Variants in HPSE observed in about 807,000 individuals in gnomAD.
HPSE encodes the protein heparanase, also known as endo-glucoronidase.
Under a neutral mutation model 65.1 loss-of-function variants are expected in HPSE, and 48 were observed. The ratio of observed to expected loss-of-function variants is 0.74; its 90% CI spans 0.58 to 0.94. HPSE has a LOEUF of 0.94. Among genes scored for constraint, HPSE ranks in the 40% least tolerant of loss-of-function variants. The probability of loss-of-function intolerance (pLI) is 0.00; values close to 1 mark genes in which losing one functional copy is unlikely to be tolerated. For missense variants in HPSE, 644 were observed against 637.5 expected, an observed-to-expected ratio of 1.01 and a Z score of -0.11; for synonymous variants, 243 against 260.0, an observed-to-expected ratio of 0.93 and a Z score of 0.63.
Position 83,303,173 on chromosome 4 carries a change from C to G in HPSE, c.1207-905G>C, listed in dbSNP as rs1323021357. ...ATACAATTAAAAACCTGAATAAACT[C>G]AAGCTTCTAGGTATAACTACCAGTT... On this transcript the variant is annotated intron_variant, in intron 9 of 11. Transcript: ENST00000311412. 1.1e-4 allele frequency among the ~76,000 whole-genome samples: 17 copies of G among 152,028 alleles called. 1 individual carries two copies. The highest frequency in any genetic ancestry group is 1.1e-3 in the Admixed American group (17 of 15,256).
chr4:83,304,650 A>G (rs1405133262), intron 9 of HPSE, among the ~76,000 whole-genome samples: 1 of 152,146 alleles, frequency 6.6e-6, no homozygotes, highest in Non-Finnish European at 1.5e-5. Context: ...ATACAGTAAG[A>G]CCTTGTATCA....
intron 2 of HPSE, among the ~76,000 whole-genome samples, chr4:83,320,580 G>C (rs995469436): frequency 6.7e-6 from 1 of 150,204 alleles, no homozygotes; most frequent in Admixed American, 6.6e-5. Flanking sequence ...AAAAAAAAAA[G>C]AAAAAAGAAA....
At chr4:83,312,841 C>CAAAAAAAAA (rs1200808673) in intron 4 of HPSE, among the ~76,000 whole-genome samples, 7 of 10,992 alleles carry the variant, frequency 6.4e-4, no homozygotes, top group Non-Finnish European at 9.9e-4. Flanking sequence ...ACTAAAAATG[C>CAAAAAAAAA]AAAAAAAAAA....
At chr4:83,319,783 G>C (rs1019223351) in intron 2 of HPSE, among the ~76,000 whole-genome samples, 1 of 152,002 alleles carries the variant, frequency 6.6e-6, no homozygotes, top group Non-Finnish European at 1.5e-5. Flanking sequence ...ATTACTGGCC[G>C]GGTGCAGTGG....
chr4:83,301,197 C>CA, intron 10 of HPSE, 91 bp from the exon 11 acceptor site: 6 of 773,308 alleles, frequency 7.8e-6, no homozygotes, highest in Non-Finnish European at 1.2e-5. Context: ...GTATTAGTAT[C>CA]CATAATGACA....
rs750073134 is a variant in HPSE, at chr4:83,309,438, C to G, written c.948G>C (p.Leu316Phe). ...TKEDFLNPDV[L>F]DIFISSVQKV... ...TTTGCACAGATGAAATAAAAATGTC[C>G]AATACATCAGGGTTTAGAAAATCTT... Residue 316 changes from leucine (L) to phenylalanine (F), a missense_variant, in exon 7 of 12, where the codon TTG becomes TTC. Physicochemically the swap from Leu to Phe is conservative, Grantham distance 22. Coordinates refer to ENST00000311412, the MANE Select transcript of HPSE (RefSeq NM_001098540.3). 1.9e-6 allele frequency: 3 copies of G among 1,591,282 alleles called. No homozygotes were observed. Among genetic ancestry groups the G allele is most frequent in the Non-Finnish European group, 2.6e-6 (3 of 1,165,316 alleles).
intron 4 of HPSE, among the ~76,000 whole-genome samples, chr4:83,312,472 T>C (rs1052722213): frequency 2.6e-5 from 4 of 151,482 alleles, no homozygotes; most frequent in Admixed American, 6.6e-5. Context: ...GGTCAGGAGA[T>C]AGAGACCATC....
At position 83,329,038 on chromosome 4, in the gene HPSE, G is replaced by A. The variant is rs150889795; in HGVS notation, c.227+5518C>T. On this transcript the variant is annotated intron_variant, in intron 1 of 11. Coordinates refer to ENST00000311412, the MANE Select transcript of HPSE (RefSeq NM_001098540.3). ...TATGGTCATGTGCTAAGAATGATAA[G>A]GTGAAGGTGGAGTCAGAGATTTTTA... Among the ~76,000 whole-genome samples the A allele has an allele frequency of 3.0e-3, 454 of 152,272 alleles. 2 individuals are homozygous for A. Among genetic ancestry groups the A allele is most frequent in the African/African-American group, 0.01 (435 of 41,554 alleles).
chr4:83,317,841 G>C (rs1736712357), intron 3 of HPSE, among the ~76,000 whole-genome samples: 2 of 152,168 alleles, frequency 1.3e-5, no homozygotes, highest in South Asian at 4.1e-4. Flanking sequence ...TTACTTCTGT[G>C]GTTCTCTGGT....
Position 83,306,309 on chromosome 4 carries a change from TC to T in HPSE, c.1099del (p.Asp367IlefsTer11). 1 of 1,602,578 alleles carries T rather than the reference TC, an allele frequency of 6.2e-7. No homozygotes were observed. The highest frequency in any genetic ancestry group is 8.6e-7 in the Non-Finnish European group (1 of 1,169,398). ...CATTCGGGCTGACAGGCCCAATTTATCCAGCCACCTGGGACAGAGCAAGACC... is the reference window on the plus strand; with the variant it reads ...CATTCGGGCTGACAGGCCCAATTTATCAGCCACCTGGGACAGAGCAAGACC... The part of the protein sequence containing the change: ...DTFAAGFMWL[D>X]KLGLSARMGI... On this transcript the variant is annotated frameshift_variant, in exon 9 of 12. Coordinates refer to ENST00000311412, the MANE Select transcript of HPSE (RefSeq NM_001098540.3). LOFTEE classifies it high-confidence loss of function.
Position 83,302,287 on chromosome 4 carries a change from G to T in HPSE, c.1207-19C>A, listed in dbSNP as rs1036098831. 1.3e-6 allele frequency: 2 copies of T among 1,520,448 alleles called. No individual in the cohort carries two copies. The highest frequency in any genetic ancestry group is 1.1e-5 in the South Asian group (1 of 88,322). 94.2% of individuals were successfully genotyped at this position (1,520,448 alleles called of 1,614,324 possible). A position where few individuals can be genotyped will look rare whatever the true frequency, so the allele number is the denominator to read the frequency against. On this transcript the variant is annotated intron_variant, in intron 9 of 11. Coordinates refer to ENST00000311412, the MANE Select transcript of HPSE (RefSeq NM_001098540.3). ...AATAATCCTAGTTGTGGTGGTTGGG[G>T]AGAAAGAGACAAAAATAGATGTTTA...
chr4:83,317,693 TG>T (rs2126192216), intron 3 of HPSE, among the ~76,000 whole-genome samples: 1 of 152,288 alleles, frequency 6.6e-6, no homozygotes, highest in Non-Finnish European at 1.5e-5. Context: ...TAAGATACAT[TG>T]GTATAATGTT....
At chr4:83,304,377 T>C (rs964324045) in intron 9 of HPSE, among the ~76,000 whole-genome samples, 6 of 152,334 alleles carry the variant, frequency 3.9e-5, no homozygotes, top group African/African-American at 1.4e-4. Flanking sequence ...TTTTCTTCTA[T>C]GTGTTTCTTC....
At position 83,326,442 on chromosome 4, in the gene HPSE, C is replaced by T. The variant is rs1445892118; in HGVS notation, c.228-4078G>A. Among the ~76,000 whole-genome samples, 1 of 152,110 alleles carries T rather than the reference C, an allele frequency of 6.6e-6. No homozygotes were observed. Among genetic ancestry groups the T allele is most frequent in the Non-Finnish European group, 1.5e-5 (1 of 68,016 alleles). On this transcript the variant is annotated intron_variant, in intron 1 of 11. Coordinates refer to ENST00000311412, the MANE Select transcript of HPSE (RefSeq NM_001098540.3). This position sits in a 1 kb window ranked among gnomAD's most constrained non-coding sequence, Gnocchi z 4.2. ...CCTTGGAAGATGGTAATATCATTTGCTGGATGAGGAACAGGTGATAGACTG... is the reference window on the plus strand; with the variant it reads ...CCTTGGAAGATGGTAATATCATTTGTTGGATGAGGAACAGGTGATAGACTG...
chr4:83,319,328 G>T lies in HPSE; in HGVS notation c.499+16C>A. The T allele has an allele frequency of 6.2e-7, 1 of 1,613,188 alleles. No homozygotes were observed. Among genetic ancestry groups the T allele is most frequent in the South Asian group, 1.1e-5 (1 of 91,028 alleles). ...TTTGGGGCTGGAACATCTCTAGGGT[G>T]CCTTTCATTTCTTACTTGAGTAGGT... On this transcript the variant is annotated intron_variant, in intron 3 of 11. Coordinates refer to ENST00000311412, the MANE Select transcript of HPSE (RefSeq NM_001098540.3).
At chr4:83,320,695 G>A (rs560855792) in intron 2 of HPSE, among the ~76,000 whole-genome samples, 4 of 152,342 alleles carry the variant, frequency 2.6e-5, no homozygotes, top group Non-Finnish European at 5.9e-5. Context: ...CTTCCTTTCT[G>A]GAAAGCTGCA....
Position 83,313,021 on chromosome 4 carries a change from CAAAAAAAA to C in HPSE, c.673+85_673+92del, listed in dbSNP as rs370866017. 74 of 646,010 alleles carry C rather than the reference CAAAAAAAA, an allele frequency of 1.1e-4. 1 individual carries two copies. In the South Asian group the frequency reaches 1.3e-3, roughly 11 times the overall value. 40.0% of individuals were successfully genotyped at this position (646,010 alleles called of 1,614,324 possible). A position where few individuals can be genotyped will look rare whatever the true frequency, so the allele number is the denominator to read the frequency against. ...TGGGCAGCAGTGCGAGACTCTGTCT[CAAAAAAAA>C]AAAAAAAAAAAAGAAAAAGAAAAGA... On this transcript the variant is annotated intron_variant, in intron 4 of 11. Coordinates refer to ENST00000311412, the MANE Select transcript of HPSE (RefSeq NM_001098540.3).
intron 1 of HPSE, among the ~76,000 whole-genome samples, chr4:83,333,844 T>TAAAAAAAAAAAAAAAAA (rs60480415): frequency 7.1e-6 from 1 of 141,308 alleles, no homozygotes; most frequent in African/African-American, 2.6e-5. Context: ...TTCATCTGCC[T>TAAAAAAAAAAAAAAAAA]AAAAAAAAAA....
Position 83,319,329 on chromosome 4 carries a change from C to T in HPSE, c.499+15G>A. On this transcript the variant is annotated intron_variant, in intron 3 of 11. Coordinates refer to ENST00000311412, the MANE Select transcript of HPSE (RefSeq NM_001098540.3). ...TTGGGGCTGGAACATCTCTAGGGTG[C>T]CTTTCATTTCTTACTTGAGTAGGTG... 1.9e-6 allele frequency: 3 copies of T among 1,613,200 alleles called. No individual in the cohort carries two copies. Among genetic ancestry groups the T allele is most frequent in the Non-Finnish European group, 2.5e-6 (3 of 1,179,482 alleles).
Sources: allele counts gnomAD v4.1 joint callset (sites outside exome capture counted in the v4.1 genomes callset), GRCh38; gene constraint gnomAD v4.1.1; non-coding constraint Gnocchi (gnomAD v3.1); transcripts MANE v1.5; gene names NCBI Gene and HGNC (gene_info 2026-07-23, HGNC 2026-07-21).